The following LIN7A variants were observed in gnomAD, a reference collection of about 807,000 sequenced individuals.
LIN7A encodes protein lin-7 homolog A.
In LIN7A, 25 loss-of-function variants were observed where a neutral mutation model predicts 29.8. The ratio of observed to expected loss-of-function variants is 0.84; its 90% confidence interval spans 0.61 to 1.17. The LOEUF (loss-of-function observed/expected upper bound fraction) is 1.17, where lower values mean the gene tolerates loss of function less well. LIN7A is among the 50% of genes most tolerant of loss of function. LIN7A has a pLI of 0.00. For synonymous variants in LIN7A, 118 were observed against 107.5 expected (o/e 1.10, Z -0.60); for missense variants, 239 against 287.0 (o/e 0.83, Z 1.21).
At chr12:80,837,161 C>A (rs1239391663) in intron 4 of LIN7A, among the ~76,000 whole-genome samples, 8 of 152,134 alleles carry the variant, frequency 5.3e-5, no homozygotes, top group Admixed American at 5.2e-4. Flanking sequence ...GCTCTGTGGA[C>A]AACTGGTTCC....
chr12:80,900,296 T>C (rs1036650413), intron 1 of LIN7A, among the ~76,000 whole-genome samples: 1 of 152,192 alleles, frequency 6.6e-6, no homozygotes, highest in Admixed American at 6.5e-5. Context: ...TTTTTTTGTC[T>C]TCTGCTAGCT....
rs1439233115 is a variant in LIN7A, at chr12:80,937,908, G to C, written c.-186C>G. The C allele has an allele frequency of 4.4e-6, 2 of 449,892 alleles. No homozygotes were observed. The highest frequency in any genetic ancestry group is 4.1e-5 in the Admixed American group (1 of 24,618). 27.9% of individuals were successfully genotyped at this position (449,892 alleles called of 1,614,324 possible). A position where few individuals can be genotyped will look rare whatever the true frequency, so the allele number is the denominator to read the frequency against. ...GCGGCAGATCTTCAGTTGCGGTGCGGAGCTGAGCAGGTATCCGAGAGCGAC... is the reference window on the plus strand; with the variant it reads ...GCGGCAGATCTTCAGTTGCGGTGCGCAGCTGAGCAGGTATCCGAGAGCGAC... On this transcript the variant is annotated 5_prime_UTR_variant, in exon 1 of 6. Coordinates refer to ENST00000552864, the MANE Select transcript of LIN7A (RefSeq NM_004664.4).
At position 80,837,628 on chromosome 12, in the gene LIN7A, T is replaced by C. The variant is rs1004770571; in HGVS notation, c.483+8102A>G. ...TTGGGATTTTTGGCTTCCAGGGCTG[T>C]GAGATAATACATTTCTGTTGTTTAA... On this transcript the variant is annotated intron_variant, in intron 4 of 5. Transcript: ENST00000552864. 3.3e-5 allele frequency among the ~76,000 whole-genome samples: 5 copies of C among 152,178 alleles called. No individual in the cohort carries two copies. In the East Asian group the frequency reaches 9.6e-4, roughly 29 times the overall value.
At chr12:80,802,828 A>T (rs1414759826) in intron 5 of LIN7A, among the ~76,000 whole-genome samples, 2 of 152,112 alleles carry the variant, frequency 1.3e-5, no homozygotes, top group Non-Finnish European at 2.9e-5. Context: ...GATAACAGCC[A>T]TTCTAACAGG....
At chr12:80,828,329 A>G (rs1471868106) in intron 4 of LIN7A, among the ~76,000 whole-genome samples, 5 of 152,164 alleles carry the variant, frequency 3.3e-5, no homozygotes, top group Non-Finnish European at 5.9e-5. Flanking sequence ...TTTGGTTAAC[A>G]AACTAAATGT....
intron 4 of LIN7A, among the ~76,000 whole-genome samples, chr12:80,815,314 A>G (rs1487813578): frequency 6.6e-6 from 1 of 152,210 alleles, no homozygotes; most frequent in Non-Finnish European, 1.5e-5. Context: ...ATCTTGCCAC[A>G]GAAGTCTTGT....
intron 1 of LIN7A, among the ~76,000 whole-genome samples, chr12:80,891,030 A>G (rs746361840): frequency 8.6e-5 from 13 of 151,976 alleles, no homozygotes; most frequent in Non-Finnish European, 1.9e-4. Context: ...TCTCCCCCCA[A>G]ACAAGCCATC....
intron 2 of LIN7A, among the ~76,000 whole-genome samples, chr12:80,887,035 G>A (rs192225299): frequency 6.3e-4 from 96 of 152,156 alleles, no homozygotes; most frequent in African/African-American, 2.1e-3. Context: ...CCGTAACAGA[G>A]CTCCTGGATA....
intron 1 of LIN7A, among the ~76,000 whole-genome samples, chr12:80,935,580 CT>C (rs1213423339): frequency 1.3e-5 from 2 of 152,086 alleles, no homozygotes; most frequent in Non-Finnish European, 2.9e-5. Flanking sequence ...TTTTTAGAAC[CT>C]TTTCCTTCAT....
intron 4 of LIN7A, among the ~76,000 whole-genome samples, chr12:80,829,472 C>G (rs1279348025): frequency 6.6e-6 from 1 of 152,098 alleles, no homozygotes; most frequent in Non-Finnish European, 1.5e-5. Flanking sequence ...GCAGATCATT[C>G]ATGGTTCAAT....
At chr12:80,923,023 G>T (rs945415920) in intron 1 of LIN7A, among the ~76,000 whole-genome samples, 4 of 152,148 alleles carry the variant, frequency 2.6e-5, no homozygotes, top group Non-Finnish European at 4.4e-5. Context: ...GTCTGTGAGG[G>T]TGTTTCTGGA....
chr12:80,865,800 T>C (rs1250315693), intron 2 of LIN7A, among the ~76,000 whole-genome samples: 1 of 152,194 alleles, frequency 6.6e-6, no homozygotes, highest in Non-Finnish European at 1.5e-5. Flanking sequence ...CATACAGCCT[T>C]TCAGAGGATA....
chr12:80,823,465 G>A (rs1364413375), intron 4 of LIN7A, among the ~76,000 whole-genome samples: 1 of 152,224 alleles, frequency 6.6e-6, no homozygotes, highest in Admixed American at 6.5e-5. Context: ...GCCAGCCCCT[G>A]TGCCAGCACC....
chr12:80,891,999 G>A (rs1875651095), intron 1 of LIN7A, among the ~76,000 whole-genome samples: 1 of 152,120 alleles, frequency 6.6e-6, no homozygotes. Context: ...GGCAGACTTG[G>A]CTTAAAAACC....
intron 1 of LIN7A, among the ~76,000 whole-genome samples, chr12:80,898,005 T>C (rs1452912309): frequency 6.6e-6 from 1 of 152,216 alleles, no homozygotes; most frequent in Non-Finnish European, 1.5e-5. Context: ...GTTTTGGTTT[T>C]GTTGCAATTG....
rs1870271983 is a variant in LIN7A, at chr12:80,792,962, A to G, written c.*4765T>C. 6.6e-6 allele frequency: 1 copy of G among 152,206 alleles called. No homozygotes were observed. Among genetic ancestry groups the G allele is most frequent in the Admixed American group, 6.5e-5 (1 of 15,270 alleles). 9.4% of individuals were successfully genotyped at this position (152,206 alleles called of 1,614,324 possible). A position where few individuals can be genotyped will look rare whatever the true frequency, so the allele number is the denominator to read the frequency against. On this transcript the variant is annotated 3_prime_UTR_variant, in exon 6 of 6. Transcript: ENST00000552864. ...TTGCTACTGATGTGATTTGTTTACC[A>G]TGAATAATACTTTGTTAATATCTTT...
rs1871418676 is a variant in LIN7A, at chr12:80,814,035, A to T, written c.484-2352T>A. ...GAAGGGAAACTCAAAAAGATACTAAATTGAGTTACAGAAAAATAAAGGAAG... is the reference window on the plus strand; with the variant it reads ...GAAGGGAAACTCAAAAAGATACTAATTTGAGTTACAGAAAAATAAAGGAAG... On this transcript the variant is annotated intron_variant, in intron 4 of 5. Coordinates refer to ENST00000552864, the MANE Select transcript of LIN7A (RefSeq NM_004664.4). 1.3e-5 allele frequency among the ~76,000 whole-genome samples: 2 copies of T among 152,126 alleles called. 1 individual carries two copies. Among genetic ancestry groups the T allele is most frequent in the East Asian group, 3.9e-4 (2 of 5,184 alleles).
At chr12:80,898,051 C>T (rs1876002507) in intron 1 of LIN7A, among the ~76,000 whole-genome samples, 1 of 152,084 alleles carries the variant, frequency 6.6e-6, no homozygotes, top group South Asian at 2.1e-4. Flanking sequence ...TTTGCTGAAC[C>T]TATGTCTAGA....
chr12:80,923,448 G>A (rs1251457310), intron 1 of LIN7A, among the ~76,000 whole-genome samples: 1 of 152,008 alleles, frequency 6.6e-6, no homozygotes, highest in Non-Finnish European at 1.5e-5. Flanking sequence ...GGGTATTTTT[G>A]CCTTTTGTAC....
Sources: gnomAD v4.1 joint callset for allele counts (sites outside exome capture counted in the v4.1 genomes callset) on GRCh38, gnomAD v4.1.1 for gene constraint, MANE v1.5 for transcripts, NCBI Gene and HGNC (gene_info 2026-07-23, HGNC 2026-07-21) for gene names.